The following TTC3 variants were observed in gnomAD, a reference collection of about 807,000 sequenced individuals.
The protein encoded by TTC3 is E3 ubiquitin-protein ligase TTC3.
Under a neutral mutation model 249.6 loss-of-function variants are expected in TTC3, and 180 were observed. The ratio of observed to expected loss-of-function variants is 0.72; its 90% CI spans 0.64 to 0.82. The LOEUF is 0.82. TTC3 is among the 40% of genes least tolerant of loss of function. The probability of loss-of-function intolerance (pLI) is 0.00; values close to 1 mark genes in which losing one functional copy is unlikely to be tolerated. For synonymous variants in TTC3, 717 were observed against 805.0 expected, an observed-to-expected ratio of 0.89 and a Z score of 1.85; for missense variants, 2,061 against 2,398.4, an observed-to-expected ratio of 0.86 and a Z score of 2.94.
At chr21:37,123,102 T>C in intron 13 of TTC3, 74 bp downstream of exon 13, 1 of 1,514,820 alleles carries the variant, frequency 6.6e-7, no homozygotes, top group South Asian at 1.1e-5. Flanking sequence ...ATCACTTATG[T>C]TTGACGCTTT....
exon 33 of TTC3, chr21:37,166,482 A>T (rs1313292335): frequency 1.9e-6 from 3 of 1,614,204 alleles, no homozygotes; most frequent in Admixed American, 1.7e-5. Flanking sequence ...AGCACAGGTG[A>T]TGCTCATACA....
intron 23 of TTC3, 88 bp downstream of exon 23, chr21:37,148,735 A>G (rs541491795): frequency 2.5e-6 from 2 of 788,368 alleles, no homozygotes; most frequent in South Asian, 5.0e-5. Context: ...AACATTCTGC[A>G]CATAATTAGA....
chr21:37,115,356 G>A (rs905909715), intron 11 of TTC3, among the ~76,000 whole-genome samples: 2 of 151,986 alleles, frequency 1.3e-5, no homozygotes, highest in African/African-American at 4.8e-5. Flanking sequence ...CTTCAGATTG[G>A]CAGAAATTAA....
intron 17 of TTC3, among the ~76,000 whole-genome samples, chr21:37,133,361 C>T (rs1268622404): frequency 2.6e-5 from 4 of 152,050 alleles, no homozygotes; most frequent in Non-Finnish European, 2.9e-5. Flanking sequence ...TTTAGGTATA[C>T]ATAACAGATA....
In TTC3 at chr21:37,113,558, A is replaced by G. The variant is rs1407871234; in HGVS notation, c.900+5112A>G. Reference sequence around the variant, plus strand: ...AGAGGATACAAACAAATGGAAGAACATTCCATGCTCATGGGTAGGAAGAAT... The same window carrying G: ...AGAGGATACAAACAAATGGAAGAACGTTCCATGCTCATGGGTAGGAAGAAT... On this transcript the variant is annotated intron_variant, in intron 11 of 45. Transcript: ENST00000355666. Among the ~76,000 whole-genome samples the G allele has an allele frequency of 2.6e-5, 4 of 152,348 alleles. No individual in the cohort carries two copies. The East Asian group carries it at 5.8e-4, about 22-fold the overall frequency.
intron 1 of TTC3, among the ~76,000 whole-genome samples, chr21:37,076,720 T>TTTTTTTTTTGG (rs2070924163): frequency 6.9e-6 from 1 of 144,636 alleles, no homozygotes; most frequent in Non-Finnish European, 1.5e-5. Flanking sequence ...TTTTTTTTTT[T>TTTTTTTTTTGG]GAGTGAAGTT....
chr21:37,077,019 A>G (rs1472598787), intron 1 of TTC3, among the ~76,000 whole-genome samples: 1 of 151,986 alleles, frequency 6.6e-6, no homozygotes, highest in South Asian at 2.1e-4. Flanking sequence ...TTAAAATACC[A>G]CTATAGTGTT....
chr21:37,193,493 T>C (rs150509720), intron 41 of TTC3, among the ~76,000 whole-genome samples: 62 of 152,360 alleles, frequency 4.1e-4, no homozygotes, highest in African/African-American at 1.3e-3. Flanking sequence ...AGGGCACTTA[T>C]CATTTATCGT....
At chr21:37,184,381 T>C (rs1427665820) in intron 36 of TTC3, among the ~76,000 whole-genome samples, 2 of 152,152 alleles carry the variant, frequency 1.3e-5, no homozygotes, top group African/African-American at 4.8e-5. Context: ...TGTTGACTTT[T>C]TTCCATTTTA....
intron 10 of TTC3, among the ~76,000 whole-genome samples, chr21:37,097,312 G>A (rs1398721761): frequency 2.6e-5 from 4 of 152,064 alleles, no homozygotes; most frequent in Non-Finnish European, 5.9e-5. Flanking sequence ...TATATATTGA[G>A]CATTAATATT....
At chr21:37,089,915 G>C (rs926136843) in intron 5 of TTC3, among the ~76,000 whole-genome samples, 1 of 151,914 alleles carries the variant, frequency 6.6e-6, no homozygotes, top group Non-Finnish European at 1.5e-5. Flanking sequence ...AGCCTGGGAC[G>C]TGGAGGTTGT....
At chr21:37,174,754 A>T (rs1453264695) in intron 35 of TTC3, among the ~76,000 whole-genome samples, 2 of 152,106 alleles carry the variant, frequency 1.3e-5, no homozygotes, top group Non-Finnish European at 2.9e-5. Context: ...GATGTTAGAC[A>T]ATTTCTTCAG....
chr21:37,193,959 G>A (rs1281225051), intron 41 of TTC3: 1 of 152,254 alleles, frequency 6.6e-6, no homozygotes, highest in African/African-American at 2.4e-5. Flanking sequence ...CCAGACAAAG[G>A]AGTGAGAGGG....
intron 10 of TTC3, chr21:37,108,184 T>A (rs1601480139): frequency 4.3e-6 from 2 of 467,090 alleles, no homozygotes; most frequent in East Asian, 7.2e-5. Flanking sequence ...GTTGTGATTG[T>A]GACTCTGGGT....
chr21:37,083,943 T>G (rs1277835783), intron 1 of TTC3: 1 of 152,146 alleles, frequency 6.6e-6, no homozygotes, highest in Admixed American at 6.5e-5. Flanking sequence ...TAGATAGGAA[T>G]TTAATGTGTA....
intron 7 of TTC3, 32 bp from the exon 8 acceptor site, chr21:37,093,973 C>A: frequency 7.2e-7 from 1 of 1,387,364 alleles, no homozygotes; most frequent in South Asian, 1.2e-5. Context: ...AACAAATGTT[C>A]TCTCTTGCTC....
exon 27 of TTC3, chr21:37,153,056 T>A: frequency 1.2e-6 from 2 of 1,613,574 alleles, no homozygotes; most frequent in Non-Finnish European, 1.7e-6. Flanking sequence ...AATACAGCCA[T>A]GCTTCTCAAA....
In TTC3 at chr21:37,097,953, G is replaced by A. The variant is rs777671795; in HGVS notation, c.845+1310G>A. ...GGTAGAAAATTTGGAAAATACAAGA[G>A]TTTAAAAAGAAGAAAATAAAAATCA... On this transcript the variant is annotated intron_variant, in intron 10 of 45. Transcript: ENST00000355666. The A allele has an allele frequency of 4.2e-6, 3 of 713,514 alleles. No homozygotes were observed. The Admixed American group carries it at 6.1e-5, about 14-fold the overall frequency. 44.2% of individuals were successfully genotyped at this position (713,514 alleles called of 1,614,324 possible).
At chr21:37,133,926 C>G (rs945611262) in intron 17 of TTC3, among the ~76,000 whole-genome samples, 3 of 151,858 alleles carry the variant, frequency 2.0e-5, no homozygotes, top group Non-Finnish European at 4.4e-5. Flanking sequence ...AGTTTGGGAG[C>G]CCTGTCTCTT....
Sources: gnomAD v4.1 joint callset for allele counts (sites outside exome capture counted in the v4.1 genomes callset) on GRCh38, gnomAD v4.1.1 for gene constraint, MANE v1.5 for transcripts, NCBI Gene and HGNC (gene_info 2026-07-23, HGNC 2026-07-21) for gene names.